Variants in MGST2 observed in about 807,000 individuals in gnomAD.
MGST2 encodes the protein microsomal glutathione S-transferase 2.
MGST2 carries 9 observed loss-of-function variants against 16.6 expected under a neutral mutation model. That is an observed-to-expected ratio of 0.54 (90% CI 0.33 to 0.95). The LOEUF (loss-of-function observed/expected upper bound fraction) is 0.95, where lower values mean the gene tolerates loss of function less well. MGST2 is among the 40% of genes least tolerant of loss of function. The probability of loss-of-function intolerance (pLI) is 0.03; values close to 1 mark genes in which losing one functional copy is unlikely to be tolerated. For missense variants in MGST2, 159 were observed against 175.1 expected, an observed-to-expected ratio of 0.91 and a Z score of 0.52; for synonymous variants, 79 against 68.0, an observed-to-expected ratio of 1.16 and a Z score of -0.79.
Position 139,665,862 on chromosome 4 carries a change from G to A in MGST2, c.-158G>A. ...CAGCCCCAGACCTGCCTGCCTTCCT[G>A]ACTTCTGTTCCAGAGCAAAGGTCAT... On this transcript the variant is annotated 5_prime_UTR_variant, in exon 1 of 5. Transcript: ENST00000265498. 1.4e-6 allele frequency: 1 copy of A among 740,314 alleles called. No homozygotes were observed. The highest frequency in any genetic ancestry group is 2.4e-6 in the Non-Finnish European group (1 of 417,230). The allele number at this position is 740,314 out of a possible 1,614,324, so 45.9% of individuals were successfully genotyped here.
intron 5 of MGST2, chr4:139,716,995 G>GAGTT (rs1239697353): frequency 6.6e-6 from 1 of 152,542 alleles, no homozygotes; most frequent in Non-Finnish European, 1.5e-5. Context: ...CTGTGATGAT[G>GAGTT]AGTTAAGGAA....
downstream of MGST2, among the ~76,000 whole-genome samples, chr4:139,745,506 A>C (rs566763164): frequency 2.0e-5 from 3 of 152,226 alleles, no homozygotes; most frequent in African/African-American, 7.2e-5. Context: ...GAACTGAAAA[A>C]AGCCAAATGC....
Position 139,704,033 on chromosome 4 carries a change from T to G in MGST2, c.329T>G (p.Leu110Arg). 1 of 1,614,186 alleles carries G rather than the reference T, an allele frequency of 6.2e-7. No individual in the cohort carries two copies. Among genetic ancestry groups the G allele is most frequent in the Non-Finnish European group, 8.5e-7 (1 of 1,180,030 alleles). ...AAKKRITGFR[L>R]SLGILALLTL... ...CTCTGCAGGATCACCGGTTTCCGAC[T>G]GAGTCTGGGGATTTTGGCCTTGTTG... The change falls in exon 5 of 5, where the codon CTG (leucine) becomes CGG (arginine). Residue 110 changes from leucine to arginine, a missense_variant. Leu to Arg is a moderately radical substitution (Grantham distance 102). Transcript: ENST00000265498.
intron 1 of MGST2, among the ~76,000 whole-genome samples, chr4:139,674,334 T>G (rs1265534332): frequency 2.6e-5 from 4 of 152,230 alleles, no homozygotes; most frequent in Admixed American, 2.6e-4. Flanking sequence ...GAGTTTCTGA[T>G]TAGCCTTTTA....
At chr4:139,748,351 A>C in the MGST2 span, among the ~76,000 whole-genome samples, 42 of 152,274 alleles carry the variant, frequency 2.8e-4, no homozygotes, top group East Asian at 7.9e-3. Context: ...ACAGGCTCAC[A>C]CCCCAAAACA....
chr4:139,721,838 G>A (rs925442361), intron 5 of MGST2, among the ~76,000 whole-genome samples: 2 of 152,170 alleles, frequency 1.3e-5, no homozygotes, highest in South Asian at 4.1e-4. Flanking sequence ...ACACTGGAAG[G>A]TAGTATATAC....
intron 5 of MGST2, among the ~76,000 whole-genome samples, chr4:139,727,901 A>G (rs1489239171): frequency 6.6e-6 from 1 of 151,842 alleles, no homozygotes; most frequent in Non-Finnish European, 1.5e-5. Context: ...TTGATCTGGC[A>G]GTATTCACTC....
At chr4:139,704,884 TG>T (rs1727460030), downstream of MGST2, among the ~76,000 whole-genome samples, 1 of 152,074 alleles carries the variant, frequency 6.6e-6, no homozygotes, top group African/African-American at 2.4e-5. Context: ...ATCGCGCCAC[TG>T]CACTCCAGCC....
At chr4:139,710,086 C>G (rs904179371) in intron 5 of MGST2, among the ~76,000 whole-genome samples, 19 of 152,138 alleles carry the variant, frequency 1.2e-4, no homozygotes, top group African/African-American at 4.1e-4. Context: ...TTTTCTTGTT[C>G]CACTTTTCTT....
At chr4:139,746,985 C>G in the MGST2 span, among the ~76,000 whole-genome samples, 9 of 152,254 alleles carry the variant, frequency 5.9e-5, no homozygotes, top group African/African-American at 2.2e-4. Flanking sequence ...CCGTGGCTTT[C>G]CCTCATGGCC....
At chr4:139,703,409 C>A in intron 3 of MGST2, 46 bp from the exon 4 acceptor site, 1 of 1,438,626 alleles carries the variant, frequency 7.0e-7, no homozygotes, top group Non-Finnish European at 9.8e-7. Flanking sequence ...TAAGAGACTG[C>A]TGTTGTATTT....
At chr4:139,722,330 A>G (rs1333089650) in intron 5 of MGST2, among the ~76,000 whole-genome samples, 4 of 152,234 alleles carry the variant, frequency 2.6e-5, no homozygotes, top group African/African-American at 4.8e-5. Flanking sequence ...AAGGGAAATA[A>G]AAGGACTTTT....
At chr4:139,669,449 G>A (rs938660446) in intron 1 of MGST2, among the ~76,000 whole-genome samples, 49 of 152,326 alleles carry the variant, frequency 3.2e-4, no homozygotes, top group African/African-American at 1.1e-3. Flanking sequence ...GGGTGTCCCC[G>A]TTCAGGATAC....
chr4:139,701,989 C>A (rs1727274862), intron 3 of MGST2, among the ~76,000 whole-genome samples: 1 of 151,170 alleles, frequency 6.6e-6, no homozygotes, highest in Admixed American at 6.6e-5. Context: ...AATCATGCGG[C>A]CAAGTAAAAT....
At position 139,666,606 on chromosome 4, in the gene MGST2, C is replaced by G. The variant is rs561038071; in HGVS notation, c.58+529C>G. Among the ~76,000 whole-genome samples, 25 of 152,268 alleles carry G rather than the reference C, an allele frequency of 1.6e-4. No individual in the cohort carries two copies. In the South Asian group the frequency reaches 5.2e-3, roughly 32 times the overall value. On this transcript the variant is annotated intron_variant, in intron 1 of 4. Transcript: ENST00000265498. ...TTAGCTTTAGATTAAGTAATTAGCT[C>G]TAAATTTTAAAACAGCTTCCCACTA...
At chr4:139,667,655 C>G (rs1033863876) in intron 1 of MGST2, among the ~76,000 whole-genome samples, 5 of 152,038 alleles carry the variant, frequency 3.3e-5, no homozygotes, top group Admixed American at 2.0e-4. Context: ...GTCAAGAGAT[C>G]GAGACCATCC....
intron 3 of MGST2, among the ~76,000 whole-genome samples, chr4:139,697,867 T>C (rs1236075324): frequency 6.6e-6 from 1 of 152,130 alleles, no homozygotes; most frequent in African/African-American, 2.4e-5. Context: ...TTTATAATTA[T>C]TATAAAGTTG....
At chr4:139,682,436 T>C (rs1731300310) in intron 2 of MGST2, among the ~76,000 whole-genome samples, 1 of 151,932 alleles carries the variant, frequency 6.6e-6, no homozygotes. Context: ...AGCCCTTAGC[T>C]GAGGATACAC....
intron 3 of MGST2, among the ~76,000 whole-genome samples, chr4:139,702,782 C>T (rs1374127377): frequency 7.0e-6 from 1 of 143,652 alleles, no homozygotes; most frequent in East Asian, 2.0e-4. Context: ...ATTTTGCATT[C>T]CTGCCAATGA....
Sources: gnomAD v4.1 joint callset for allele counts (sites outside exome capture counted in the v4.1 genomes callset) on GRCh38, gnomAD v4.1.1 for gene constraint, MANE v1.5 for transcripts, NCBI Gene and HGNC (gene_info 2026-07-23, HGNC 2026-07-21) for gene names.